Variants in TTC29 observed in about 807,000 individuals in gnomAD.
TTC29 encodes tetratricopeptide repeat domain 29, also known as tetratricopeptide repeat protein 29.
TTC29 carries 49 observed loss-of-function variants against 58.1 expected under a neutral mutation model. The observed-to-expected ratio is 0.84, with a 90% CI of 0.67 to 1.07. The LOEUF is 1.07. Ranked by LOEUF, TTC29 falls within the 50% of genes least tolerant of loss-of-function variation. The probability of loss-of-function intolerance (pLI) is 0.00; values close to 1 mark genes in which losing one functional copy is unlikely to be tolerated. For synonymous variants in TTC29, 209 were observed against 196.8 expected (o/e 1.06, Z -0.52); for missense variants, 582 against 555.6 (o/e 1.05, Z -0.48).
At chr4:146,788,218 C>T (rs917543273) in intron 11 of TTC29, among the ~76,000 whole-genome samples, 3 of 152,122 alleles carry the variant, frequency 2.0e-5, no homozygotes, top group Non-Finnish European at 4.4e-5. Context: ...AATTCTGTCC[C>T]TTTTTTGTTT....
chr4:146,908,742 T>C (rs1255031418), intron 5 of TTC29, among the ~76,000 whole-genome samples: 1 of 152,172 alleles, frequency 6.6e-6, no homozygotes, highest in Non-Finnish European at 1.5e-5. Flanking sequence ...AACCTAATGA[T>C]AGGAACTATG....
intron 11 of TTC29, among the ~76,000 whole-genome samples, chr4:146,797,437 GATTA>G (rs1284794789): frequency 6.6e-6 from 1 of 152,034 alleles, no homozygotes; most frequent in African/African-American, 2.4e-5. Context: ...GATGTTTAGT[GATTA>G]ATTCTCTCAG....
chr4:146,784,905 A>C (rs1748896748), intron 11 of TTC29, among the ~76,000 whole-genome samples: 1 of 152,164 alleles, frequency 6.6e-6, no homozygotes, highest in South Asian at 2.1e-4. Context: ...ATTTCCCTGC[A>C]TTCTTAAACA....
chr4:146,829,857 T>A (rs952332783), intron 9 of TTC29, among the ~76,000 whole-genome samples: 12 of 152,294 alleles, frequency 7.9e-5, no homozygotes, highest in African/African-American at 2.9e-4. Context: ...TTAAACATAT[T>A]TTTGTGAATG....
At position 146,778,584 on chromosome 4, in the gene TTC29, T is replaced by A. The variant is rs540581704; in HGVS notation, c.1330+24873A>T. On this transcript the variant is annotated intron_variant, in intron 11 of 12. Transcript: ENST00000325106. ...TCCTATTGTTAGAAATAGTTTCAGC[T>A]GTATTAAGTACATCATATTTTCAAA... 3.3e-5 allele frequency among the ~76,000 whole-genome samples: 5 copies of A among 152,300 alleles called. No individual in the cohort carries two copies. In the East Asian group the frequency reaches 9.6e-4, roughly 29 times the overall value.
intron 6 of TTC29, among the ~76,000 whole-genome samples, chr4:146,897,821 T>C (rs561980621): frequency 9.2e-5 from 14 of 152,352 alleles, no homozygotes; most frequent in African/African-American, 3.4e-4. Context: ...GCACACATCA[T>C]GGCCTTCCAG....
At chr4:146,790,057 G>A (rs1196408669) in intron 11 of TTC29, among the ~76,000 whole-genome samples, 4 of 151,968 alleles carry the variant, frequency 2.6e-5, no homozygotes, top group Non-Finnish European at 4.4e-5. Flanking sequence ...TGCTTTATCT[G>A]GATATCTTCT....
rs1392866681 is a variant in TTC29 at position 146,754,907 on chromosome 4, CA to C, written c.1331-47357del. Among the ~76,000 whole-genome samples the C allele has an allele frequency of 6.0e-5, 9 of 150,958 alleles. No individual in the cohort carries two copies. In the Admixed American group the frequency reaches 6.0e-4, roughly 10 times the overall value. ...TATTGGAAGTAGTAGCAAGATTAATCAGAAAAGAAAAAGAAATATAAGATAC... is the reference window on the plus strand; with the variant it reads ...TATTGGAAGTAGTAGCAAGATTAATCGAAAAGAAAAAGAAATATAAGATAC... On this transcript the variant is annotated intron_variant, in intron 11 of 12. Coordinates refer to ENST00000325106, the MANE Select transcript of TTC29 (RefSeq NM_031956.4).
chr4:146,879,504 T>G (rs1454871428), intron 6 of TTC29, among the ~76,000 whole-genome samples: 1 of 152,176 alleles, frequency 6.6e-6, no homozygotes, highest in Non-Finnish European at 1.5e-5. Flanking sequence ...ATAAAAGACC[T>G]CAATATGGTG....
chr4:146,810,897 T>A (rs563793146), intron 10 of TTC29, among the ~76,000 whole-genome samples: 3 of 152,238 alleles, frequency 2.0e-5, no homozygotes, highest in African/African-American at 7.2e-5. Flanking sequence ...CAGCAAAAGG[T>A]CATTTCAGCC....
chr4:146,909,354 C>G, intron 4 of TTC29, 105 bp from the exon 5 acceptor site: 1 of 877,654 alleles, frequency 1.1e-6, no homozygotes, highest in Non-Finnish European at 1.7e-6. Context: ...TGCCTTTTAT[C>G]CCTCAGTGAA....
At chr4:146,945,554 G>A (rs959420761) in intron 1 of TTC29, 155 bp downstream of exon 1, 1 of 152,480 alleles carries the variant, frequency 6.6e-6, no homozygotes, top group African/African-American at 2.4e-5. Context: ...CGTTTATTGA[G>A]GTAAGTGGCG....
chr4:146,734,983 TA>T (rs1174139095), intron 11 of TTC29, among the ~76,000 whole-genome samples: 4 of 152,128 alleles, frequency 2.6e-5, no homozygotes, highest in African/African-American at 9.7e-5. Context: ...GAGATGGATC[TA>T]ACTTCCAGGG....
intron 4 of TTC29, among the ~76,000 whole-genome samples, chr4:146,926,795 A>G (rs1188262438): frequency 6.6e-6 from 1 of 152,154 alleles, no homozygotes; most frequent in African/African-American, 2.4e-5. Flanking sequence ...TCTTTAATCC[A>G]TTCTGGAAAG....
chr4:146,923,118 T>C (rs1197971095), intron 4 of TTC29, among the ~76,000 whole-genome samples: 1 of 151,892 alleles, frequency 6.6e-6, no homozygotes, highest in African/African-American at 2.4e-5. Context: ...ACCATTGTAA[T>C]TTCTTTCACT....
chr4:146,909,047 C>T lies in TTC29; in HGVS notation c.379G>A (p.Ala127Thr), dbSNP rs765072997. ...TTACCTTTCCTCTCAGCGTCCTCAG[C>T]CCTGGTCAGGTAATGGTACAGGTAA... ...LDYLYHYLTRAEDAERKESFE... is the reference protein window; with the variant it reads ...LDYLYHYLTRTEDAERKESFE... Residue 127 changes from alanine (A) to threonine (T), a missense_variant, in exon 5 of 13, where the codon GCT becomes ACT. Transcript: ENST00000325106. 1 of 1,613,886 alleles carries T rather than the reference C, an allele frequency of 6.2e-7. No homozygotes were observed. Among genetic ancestry groups the T allele is most frequent in the East Asian group, 2.2e-5 (1 of 44,870 alleles).
At chr4:146,868,796 A>G (rs535933796) in intron 7 of TTC29, among the ~76,000 whole-genome samples, 2 of 152,112 alleles carry the variant, frequency 1.3e-5, no homozygotes, top group African/African-American at 2.4e-5. Flanking sequence ...TCCTCTCCAA[A>G]TCTCCTGGTA....
intron 2 of TTC29, 44 bp from the exon 3 acceptor site, chr4:146,939,945 C>T: frequency 6.5e-7 from 1 of 1,536,346 alleles, no homozygotes; most frequent in Non-Finnish European, 8.8e-7. Flanking sequence ...AGGAATAAAT[C>T]TTTCAAAGGA....
intron 11 of TTC29, among the ~76,000 whole-genome samples, chr4:146,792,988 T>A (rs958658273): frequency 4.6e-5 from 7 of 152,148 alleles, no homozygotes; most frequent in African/African-American, 1.7e-4. Flanking sequence ...AGCCTGAATA[T>A]CTGAGTGAAT....
Sources: gnomAD v4.1 joint callset for allele counts (sites outside exome capture counted in the v4.1 genomes callset) on GRCh38, gnomAD v4.1.1 for gene constraint, MANE v1.5 for transcripts, NCBI Gene and HGNC (gene_info 2026-07-23, HGNC 2026-07-21) for gene names.